UBE2N: variants seen among roughly 807,000 people sequenced by gnomAD.
UBE2N encodes the protein ubiquitin conjugating enzyme E2 N.
For synonymous variants in UBE2N, 70 were observed against 69.2 expected, an observed-to-expected ratio of 1.01 and a Z score of -0.06; for missense variants, 60 against 192.1, an observed-to-expected ratio of 0.31 and a Z score of 4.07.
intron 1 of UBE2N, among the ~76,000 whole-genome samples, chr12:93,422,845 C>T (rs1878458545): frequency 6.6e-6 from 1 of 152,084 alleles, no homozygotes. Context: ...TTCCCCCACT[C>T]ATTCATATGT....
At chr12:93,433,484 T>C (rs569099990) in intron 1 of UBE2N, among the ~76,000 whole-genome samples, 1 of 152,244 alleles carries the variant, frequency 6.6e-6, no homozygotes, top group South Asian at 2.1e-4. Flanking sequence ...CTAATTGGTA[T>C]ATCCACATTC....
At chr12:93,416,948 T>C (rs1438902733) in intron 1 of UBE2N, among the ~76,000 whole-genome samples, 1 of 152,128 alleles carries the variant, frequency 6.6e-6, no homozygotes, top group Non-Finnish European at 1.5e-5. Flanking sequence ...TAAATGAATT[T>C]TGTGATTCTA....
intron 1 of UBE2N, among the ~76,000 whole-genome samples, chr12:93,415,676 C>G (rs1317098388): frequency 6.6e-6 from 1 of 152,042 alleles, no homozygotes; most frequent in African/African-American, 2.4e-5. Context: ...GAATTCTGGG[C>G]TCTCCTCACC....
chr12:93,409,955 A>T lies in UBE2N; in HGVS notation c.*84T>A, dbSNP rs1877985011. On this transcript the variant is annotated 3_prime_UTR_variant, in exon 4 of 4. Coordinates refer to ENST00000318066, the MANE Select transcript of UBE2N (RefSeq NM_003348.4). ...GCTTTTTTATTCTGTAATGTTTCTA[A>T]GACTGTGTCCATTAAATGCAAACAA... 3 of 1,380,046 alleles carry T rather than the reference A, an allele frequency of 2.2e-6. No individual in the cohort carries two copies. The Admixed American group carries it at 5.3e-5, about 25-fold the overall frequency. 85.5% of individuals were successfully genotyped at this position (1,380,046 alleles called of 1,614,324 possible). A position where few individuals can be genotyped will look rare whatever the true frequency, so the allele number is the denominator to read the frequency against.
chr12:93,440,104 T>C (rs942500359), intron 1 of UBE2N, among the ~76,000 whole-genome samples: 2 of 152,242 alleles, frequency 1.3e-5, no homozygotes, highest in African/African-American at 4.8e-5. Context: ...AAATGTTTAG[T>C]TCACTATGTA....
Position 93,411,297 on chromosome 12 carries a change from T to G in UBE2N, c.33A>C (p.Glu11Asp). 1 of 1,586,466 alleles carries G rather than the reference T, an allele frequency of 6.3e-7. No homozygotes were observed. ...CTGGTTCTGCCAGCAAACGCTGGGT[T>G]TCCTATGACAGAAAAACAAACACAT... The part of the protein sequence containing the change: MAGLPRRIIK[E>D]TQRLLAEPVP... The change falls in exon 2 of 4, where the codon GAA becomes GAC. Residue 11 changes from glutamate (E) to aspartate (D), a missense_variant and splice_region_variant. By Grantham distance (45) the Glu-to-Asp change is conservative (BLOSUM62 2). Transcript: ENST00000318066.
chr12:93,422,702 A>C (rs1878454425), intron 1 of UBE2N, among the ~76,000 whole-genome samples: 2 of 152,172 alleles, frequency 1.3e-5, no homozygotes, highest in Admixed American at 1.3e-4. Context: ...GCTTTTATGT[A>C]AAAAATGATG....
intron 1 of UBE2N, 93 bp downstream of exon 1, chr12:93,441,762 G>C: frequency 6.6e-7 from 1 of 1,522,510 alleles, no homozygotes; most frequent in Non-Finnish European, 8.8e-7. Flanking sequence ...CCCAGAGCGG[G>C]CCGCGGGCCG....
intron 1 of UBE2N, among the ~76,000 whole-genome samples, chr12:93,415,962 T>C (rs1878194516): frequency 1.3e-5 from 2 of 152,364 alleles, no homozygotes; most frequent in East Asian, 3.9e-4. Context: ...AGATATTCTT[T>C]GTAAAGAATG....
At chr12:93,417,452 T>C (rs1878254002) in intron 1 of UBE2N, among the ~76,000 whole-genome samples, 1 of 152,166 alleles carries the variant, frequency 6.6e-6, no homozygotes, top group Non-Finnish European at 1.5e-5. Flanking sequence ...ATGATTGGAG[T>C]ATGTACAGTA....
At chr12:93,416,289 A>C (rs989910132) in intron 1 of UBE2N, among the ~76,000 whole-genome samples, 1 of 152,226 alleles carries the variant, frequency 6.6e-6, no homozygotes, top group African/African-American at 2.4e-5. Context: ...AAAAAGGCAA[A>C]AACTGGCTAG....
At chr12:93,423,596 G>A (rs372654641) in intron 1 of UBE2N, among the ~76,000 whole-genome samples, 1 of 152,206 alleles carries the variant, frequency 6.6e-6, no homozygotes, top group South Asian at 2.1e-4. Flanking sequence ...AGGCTCAAGA[G>A]TTAGCACATC....
intron 3 of UBE2N, chr12:93,410,313 TTG>T (rs1877995444): frequency 3.9e-6 from 2 of 517,644 alleles, no homozygotes; most frequent in South Asian, 4.9e-5. Context: ...ATGAATCAAG[TTG>T]TCCATTTCTA....
intron 1 of UBE2N, among the ~76,000 whole-genome samples, chr12:93,438,770 G>C (rs1258041189): frequency 6.6e-6 from 1 of 152,172 alleles, no homozygotes; most frequent in African/African-American, 2.4e-5. Flanking sequence ...GTCTGATTTA[G>C]TACATATATT....
At chr12:93,434,920 A>C in intron 1 of UBE2N, among the ~76,000 whole-genome samples, 1 of 151,940 alleles carries the variant, frequency 6.6e-6, no homozygotes, top group East Asian at 1.9e-4. Context: ...TTATTTATTT[A>C]AGAGACAGGG....
At chr12:93,424,052 GT>G (rs1248017738) in intron 1 of UBE2N, among the ~76,000 whole-genome samples, 3 of 152,062 alleles carry the variant, frequency 2.0e-5, no homozygotes, top group Non-Finnish European at 4.4e-5. Flanking sequence ...ATTCTAGAAT[GT>G]TTTTTGTTGT....
chr12:93,428,834 A>G (rs1478479577), intron 1 of UBE2N, among the ~76,000 whole-genome samples: 1 of 152,248 alleles, frequency 6.6e-6, no homozygotes, highest in African/African-American at 2.4e-5. Flanking sequence ...CAATTAAACT[A>G]GGAGAAGAAA....
intron 1 of UBE2N, among the ~76,000 whole-genome samples, chr12:93,427,496 AAAG>A (rs1878631428): frequency 6.6e-6 from 1 of 152,276 alleles, no homozygotes; most frequent in African/African-American, 2.4e-5. Context: ...AAGAAGCCAG[AAAG>A]AAAAGGCCAC....
chr12:93,440,827 T>A (rs147530393), intron 1 of UBE2N, among the ~76,000 whole-genome samples: 138 of 152,294 alleles, frequency 9.1e-4, no homozygotes, highest in African/African-American at 3.2e-3. Context: ...CTTTACAAAA[T>A]CAAAGAATCG....
Sources: gnomAD v4.1 joint callset for allele counts (sites outside exome capture counted in the v4.1 genomes callset) on GRCh38, gnomAD v4.1.1 for gene constraint, MANE v1.5 for transcripts, NCBI Gene and HGNC (gene_info 2026-07-23, HGNC 2026-07-21) for gene names.